Variants in ATXN2 observed in about 807,000 individuals in gnomAD.
ATXN2 encodes ataxin-2.
A neutral mutation model predicts 138.6 loss-of-function variants in ATXN2; 37 were observed. The observed-to-expected ratio is 0.27, with a 90% CI of 0.21 to 0.35. The LOEUF is 0.35. ATXN2 is among the 10% of genes least tolerant of loss of function. The pLI is 1.00. For missense variants in ATXN2, 1,216 were observed against 1,480.3 expected (o/e 0.82, Z 2.93); for synonymous variants, 549 against 543.7 (o/e 1.01, Z -0.13).
intron 16 of ATXN2, 109 bp downstream of exon 16, chr12:111,486,652 G>A (rs982728750): frequency 5.8e-6 from 5 of 862,708 alleles, no homozygotes; most frequent in African/African-American, 5.1e-5. Context: ...AAGAAGGTTG[G>A]TTCAGCACAC....
At chr12:111,475,383 TA>T (rs528261624) in intron 18 of ATXN2, among the ~76,000 whole-genome samples, 13,823 of 128,400 alleles carry the variant, frequency 0.11, 2,389 homozygotes, top group African/African-American at 0.37. Flanking sequence ...ATGAAACAAT[TA>T]AAAAAAAAAA....
At chr12:111,481,578 C>T (rs1397087972) in intron 18 of ATXN2, among the ~76,000 whole-genome samples, 1 of 152,200 alleles carries the variant, frequency 6.6e-6, no homozygotes, top group African/African-American at 2.4e-5. Flanking sequence ...CAAAATGATG[C>T]AGCTGCTTTG....
intron 14 of ATXN2, among the ~76,000 whole-genome samples, chr12:111,494,651 C>T (rs1311043847): frequency 6.6e-6 from 1 of 151,660 alleles, no homozygotes; most frequent in African/African-American, 2.4e-5. Context: ...GTCTCAATCT[C>T]CTGACCTCTT....
intron 14 of ATXN2, among the ~76,000 whole-genome samples, chr12:111,494,597 T>C (rs1424563258): frequency 1.3e-5 from 2 of 152,082 alleles, no homozygotes; most frequent in Non-Finnish European, 2.9e-5. Flanking sequence ...GGCTAAGTTT[T>C]GTATTTTTAG....
In ATXN2 at chr12:111,598,151, GA is replaced by G; in HGVS notation, c.251+632del. Reference sequence around the variant, plus strand: ...CGCCGCCGCCTCGGACACGAACGCAGAGGGGTGCGGGGGCCAAGGCCCACTT... The same window carrying G: ...CGCCGCCGCCTCGGACACGAACGCAGGGGGTGCGGGGGCCAAGGCCCACTT... On this transcript the variant is annotated intron_variant, in intron 1 of 24. Coordinates refer to ENST00000673436, the MANE Select transcript of ATXN2 (RefSeq NM_001372574.1). The surrounding 1 kb of genome is among the most constrained non-coding windows in gnomAD (Gnocchi z 4.5). The G allele has an allele frequency of 9.0e-7, 1 of 1,110,354 alleles. No homozygotes were observed. 68.8% of individuals were successfully genotyped at this position (1,110,354 alleles called of 1,614,324 possible).
chr12:111,514,662 A>G (rs1879755763), intron 10 of ATXN2, among the ~76,000 whole-genome samples: 1 of 151,712 alleles, frequency 6.6e-6, no homozygotes, highest in Non-Finnish European at 1.5e-5. Flanking sequence ...GTAGCTGGGT[A>G]TTTTTAGTAG....
intron 5 of ATXN2, among the ~76,000 whole-genome samples, chr12:111,534,417 T>C (rs1271708606): frequency 2.6e-5 from 4 of 152,052 alleles, no homozygotes; most frequent in Admixed American, 6.6e-5. Flanking sequence ...AATATATACA[T>C]GTAAACTTTT....
At chr12:111,477,400 T>C (rs1450458163) in intron 18 of ATXN2, among the ~76,000 whole-genome samples, 1 of 151,958 alleles carries the variant, frequency 6.6e-6, no homozygotes, top group Non-Finnish European at 1.5e-5. Flanking sequence ...CAGAGGCTGG[T>C]GCCAGAGAAA....
In ATXN2 at chr12:111,525,268, T is replaced by C. The variant is rs1413892255; in HGVS notation, c.620A>G (p.Lys207Arg). Reference sequence around the variant, plus strand: ...ATCCCAGGGCTCCAGGTCCTTCTCTTTGTGTTCGCCATTCACTTTAGCACT... The same window carrying C: ...ATCCCAGGGCTCCAGGTCCTTCTCTCTGTGTTCGCCATTCACTTTAGCACT... ...AISAKVNGEH[K>R]EKDLEPWDAG... is the part of the protein sequence containing the mutation. The change falls in exon 6 of 25, where the codon AAA (lysine) becomes AGA (arginine). Residue 207 changes from lysine (K) to arginine (R), a missense_variant. Lys to Arg is a conservative substitution (Grantham distance 26). Around this residue, in one of 4 missense-constraint regions of ATXN2, gnomAD observed 401 missense variants for 528.1 expected, o/e 0.76. Coordinates refer to ENST00000673436, the MANE Select transcript of ATXN2 (RefSeq NM_001372574.1). 6.2e-7 allele frequency: 1 copy of C among 1,613,670 alleles called. No individual in the cohort carries two copies. Among genetic ancestry groups the C allele is most frequent in the Admixed American group, 1.7e-5 (1 of 59,786 alleles).
chr12:111,561,984 TG>T (rs1479238925), intron 1 of ATXN2, among the ~76,000 whole-genome samples: 2 of 151,904 alleles, frequency 1.3e-5, no homozygotes, highest in African/African-American at 4.8e-5. Flanking sequence ...GTTAATTTTT[TG>T]TATTTTTAGT....
Position 111,485,320 on chromosome 12 carries a change from T to C in ATXN2, c.2469A>G (p.Pro823=). The change falls in exon 18 of 25, where the codon CCA becomes CCG. Residue 823 remains proline, a synonymous_variant. Transcript: ENST00000673436. ...PVSPGVQPLY[P]IPMTPMPVNQ... is the part of the protein sequence containing the mutation. ...TCACTGGCATGGGCGTCATAGGTAT[T>C]GGGTATAAAGGCTTGAGAGAATTAA... 1 of 1,612,796 alleles carries C rather than the reference T, an allele frequency of 6.2e-7. No homozygotes were observed. The highest frequency in any genetic ancestry group is 8.5e-7 in the Non-Finnish European group (1 of 1,179,206).
chr12:111,587,910 G>A (rs1884425151), intron 1 of ATXN2, among the ~76,000 whole-genome samples: 1 of 151,844 alleles, frequency 6.6e-6, no homozygotes. Context: ...TGACATTTTC[G>A]GGCTGGACAC....
chr12:111,562,720 CAAAAAAAAAA>C (rs34625134), intron 1 of ATXN2, among the ~76,000 whole-genome samples: 7 of 55,992 alleles, frequency 1.3e-4, no homozygotes, highest in Admixed American at 4.1e-4. Flanking sequence ...AACTCCATCT[CAAAAAAAAAA>C]AAAAAAAAAA....
At chr12:111,485,456 A>G in intron 17 of ATXN2, 125 bp from the exon 18 acceptor site, 1 of 1,029,132 alleles carries the variant, frequency 9.7e-7, no homozygotes, top group Non-Finnish European at 1.4e-6. Flanking sequence ...TCCATTAGTC[A>G]TTAAAAAATT....
chr12:111,495,413 AT>A (rs1878355020), intron 14 of ATXN2, among the ~76,000 whole-genome samples: 1 of 152,160 alleles, frequency 6.6e-6, no homozygotes, highest in Non-Finnish European at 1.5e-5. Flanking sequence ...ACAATATTCC[AT>A]GCAAATGGAA....
chr12:111,525,419 A>C (rs764605947), intron 5 of ATXN2, 103 bp from the exon 6 acceptor site: 2 of 1,231,886 alleles, frequency 1.6e-6, no homozygotes, highest in Non-Finnish European at 2.2e-6. Context: ...ACAATTACGA[A>C]AAATGAATTT....
chr12:111,586,674 C>T (rs971923750), intron 1 of ATXN2, among the ~76,000 whole-genome samples: 11 of 151,992 alleles, frequency 7.2e-5, no homozygotes, highest in Admixed American at 5.9e-4. Context: ...GGGTGAGCCA[C>T]CACGCCCGGC....
chr12:111,467,758 C>T (rs757291156), intron 20 of ATXN2, among the ~76,000 whole-genome samples: 2 of 152,184 alleles, frequency 1.3e-5, no homozygotes, highest in Non-Finnish European at 2.9e-5. Flanking sequence ...TAAGGCCCCA[C>T]TGCTCTTCAA....
At chr12:111,475,487 C>CTT (rs538338911) in intron 18 of ATXN2, among the ~76,000 whole-genome samples, 13 of 118,626 alleles carry the variant, frequency 1.1e-4, no homozygotes, top group East Asian at 5.0e-4. Context: ...TTTTCTGTTT[C>CTT]TTTTTTTTTT....
Sources: gnomAD v4.1 joint callset for allele counts (sites outside exome capture counted in the v4.1 genomes callset) on GRCh38, gnomAD v4.1.1 for gene constraint, gnomAD v4.1.1 regional missense constraint, Gnocchi (gnomAD v3.1) non-coding constraint, MANE v1.5 for transcripts, NCBI Gene and HGNC (gene_info 2026-07-23, HGNC 2026-07-21) for gene names.